Variants in SIAE observed in about 807,000 individuals in gnomAD.
SIAE encodes the protein sialic acid acetylesterase, also known as sialate O-acetylesterase.
A neutral mutation model predicts 52.6 loss-of-function variants in SIAE; 39 were observed. The observed-to-expected ratio is 0.74, with a 90% CI of 0.57 to 0.97. The LOEUF (loss-of-function observed/expected upper bound fraction) is 0.97. SIAE is among the 50% of genes least tolerant of loss of function. The pLI, the probability that SIAE is intolerant of heterozygous loss-of-function variation, is 0.00. For missense variants in SIAE, 592 were observed against 662.1 expected (o/e 0.89, Z 1.16); for synonymous variants, 233 against 241.4 (o/e 0.97, Z 0.32).
intron 2 of SIAE, among the ~76,000 whole-genome samples, chr11:124,661,590 A>C (rs1299298919): frequency 6.6e-6 from 1 of 152,012 alleles, no homozygotes; most frequent in Non-Finnish European, 1.5e-5. Flanking sequence ...TCACCAGACC[A>C]CCCCTGCCAA....
chr11:124,661,776 T>C (rs1478541952), intron 2 of SIAE, among the ~76,000 whole-genome samples: 1 of 152,240 alleles, frequency 6.6e-6, no homozygotes, highest in Admixed American at 6.5e-5. Flanking sequence ...TGAACTGATT[T>C]ATAATTCATA....
At chr11:124,641,163 T>C in intron 7 of SIAE, among the ~76,000 whole-genome samples, 1 of 152,180 alleles carries the variant, frequency 6.6e-6, no homozygotes, top group Non-Finnish European at 1.5e-5. Flanking sequence ...ACATATAAAA[T>C]AGTATGGATT....
intron 7 of SIAE, among the ~76,000 whole-genome samples, chr11:124,642,221 G>A (rs1185491275): frequency 6.6e-6 from 1 of 152,166 alleles, no homozygotes; most frequent in African/African-American, 2.4e-5. Flanking sequence ...AGGCATCCAA[G>A]TAGCACCAGA....
At chr11:124,664,254 A>G (rs1357220947) in intron 2 of SIAE, among the ~76,000 whole-genome samples, 1 of 149,244 alleles carries the variant, frequency 6.7e-6, no homozygotes, top group Non-Finnish European at 1.5e-5. Context: ...TTTTTTTGAG[A>G]CAGAGTCTCA....
upstream of SIAE, chr11:124,673,873 T>A: frequency 1.4e-6 from 1 of 719,784 alleles, no homozygotes; most frequent in Non-Finnish European, 2.2e-6. Context: ...GTAGTTTTTT[T>A]TTTTTTTTAA....
At chr11:124,651,479 CG>C (rs1190221050) in intron 4 of SIAE, among the ~76,000 whole-genome samples, 1 of 149,272 alleles carries the variant, frequency 6.7e-6, no homozygotes, top group African/African-American at 2.5e-5. Flanking sequence ...ACCTGGGAGG[CG>C]GAGGTTGCAG....
intron 4 of SIAE, among the ~76,000 whole-genome samples, chr11:124,652,291 C>T (rs1315492573): frequency 1.3e-5 from 2 of 152,214 alleles, no homozygotes; most frequent in Non-Finnish European, 2.9e-5. Context: ...GGTTAGGGAC[C>T]TTGAGATGGA....
chr11:124,661,220 T>C (rs1943183938), intron 2 of SIAE, among the ~76,000 whole-genome samples: 3 of 152,044 alleles, frequency 2.0e-5, no homozygotes, highest in Non-Finnish European at 4.4e-5. Flanking sequence ...GACCACAGGG[T>C]ATAGAAAATC....
intron 5 of SIAE, among the ~76,000 whole-genome samples, chr11:124,648,480 C>G (rs894877326): frequency 9.2e-5 from 14 of 151,428 alleles, no homozygotes; most frequent in Middle Eastern, 3.4e-3. Flanking sequence ...TGGGGGGGGG[C>G]CAATAAATTT....
chr11:124,675,380 C>A, upstream of SIAE: 1 of 1,614,058 alleles, frequency 6.2e-7, no homozygotes, highest in Admixed American at 1.7e-5. Flanking sequence ...CCAGCTTTTG[C>A]AGCAGCCTAT....
chr11:124,657,973 A>AT (rs1375771656), intron 3 of SIAE, among the ~76,000 whole-genome samples: 6 of 152,244 alleles, frequency 3.9e-5, no homozygotes, highest in South Asian at 2.1e-4. Flanking sequence ...CAGTGTTATT[A>AT]TTTTTTTACC....
At chr11:124,656,978 G>A (rs538651935) in intron 3 of SIAE, among the ~76,000 whole-genome samples, 4 of 145,082 alleles carry the variant, frequency 2.8e-5, no homozygotes, top group African/African-American at 5.0e-5. Flanking sequence ...CAGCCACAGC[G>A]TAAGAGAAAC....
At position 124,633,797 on chromosome 11, in the gene SIAE, TAC is replaced by T. The variant is rs1284881316; in HGVS notation, c.*3152_*3153del. 1.3e-5 allele frequency: 2 copies of T among 152,356 alleles called. No homozygotes were observed. The highest frequency in any genetic ancestry group is 4.1e-4 in the South Asian group (2 of 4,830). The allele number at this position is 152,356 out of a possible 1,614,324, so 9.4% of individuals were successfully genotyped here. A position where few individuals can be genotyped will look rare whatever the true frequency, so the allele number is the denominator to read the frequency against. ...TAAATGGCTTGAGCATACTGGCATT[TAC>T]ACAGAAATGATATATGCTGCTTTTA... On this transcript the variant is annotated 3_prime_UTR_variant, in exon 10 of 10. Transcript: ENST00000263593.
At chr11:124,668,223 G>T (rs1943299547) in intron 2 of SIAE, among the ~76,000 whole-genome samples, 1 of 152,056 alleles carries the variant, frequency 6.6e-6, no homozygotes, top group African/African-American at 2.4e-5. Context: ...CCATGCTTTT[G>T]CCAGGCTATT....
Position 124,660,753 on chromosome 11 carries a change from G to T in SIAE, c.280C>A (p.Pro94Thr). 6.2e-7 allele frequency: 1 copy of T among 1,614,148 alleles called. No homozygotes were observed. The change falls in exon 3 of 10, where the codon CCT (proline) becomes ACT (threonine). Residue 94 changes from proline (P) to threonine (T), a missense_variant. Coordinates refer to ENST00000263593, the MANE Select transcript of SIAE (RefSeq NM_170601.5). ...VVLDPMKPGG[P>T]FEVMAQQTLE... Reference sequence around the variant, plus strand: ...GTCTGTTGTGCCATCACTTCGAAAGGTCCTCCAGGCTTCATAGGATCCAGT... The same window carrying T: ...GTCTGTTGTGCCATCACTTCGAAAGTTCCTCCAGGCTTCATAGGATCCAGT...
chr11:124,638,194 T>TAA (rs537448551), intron 9 of SIAE, among the ~76,000 whole-genome samples: 128 of 152,256 alleles, frequency 8.4e-4, no homozygotes, highest in Non-Finnish European at 1.3e-3. Flanking sequence ...AAGGATGGGG[T>TAA]AAATATTCTG....
upstream of SIAE, chr11:124,674,476 C>T (rs1943431024): frequency 6.6e-6 from 1 of 152,420 alleles, no homozygotes; most frequent in African/African-American, 2.4e-5. Flanking sequence ...GACGCACACT[C>T]TCACATTAAC....
intron 2 of SIAE, among the ~76,000 whole-genome samples, chr11:124,668,284 G>A (rs570841298): frequency 3.3e-5 from 5 of 152,184 alleles, no homozygotes; most frequent in East Asian, 1.9e-4. Flanking sequence ...CTCAGACTAC[G>A]TAATTATCCC....
chr11:124,643,359 C>A (rs1489096723), intron 7 of SIAE, among the ~76,000 whole-genome samples: 1 of 152,010 alleles, frequency 6.6e-6, no homozygotes, highest in East Asian at 1.9e-4. Context: ...CACACGGGGA[C>A]CCACTGGAGC....
Sources: allele counts gnomAD v4.1 joint callset (sites outside exome capture counted in the v4.1 genomes callset), GRCh38; gene constraint gnomAD v4.1.1; transcripts MANE v1.5; gene names NCBI Gene and HGNC (gene_info 2026-07-23, HGNC 2026-07-21).